The following EYS variants were observed in gnomAD, a reference collection of about 807,000 sequenced individuals.
EYS encodes the protein EGF-like photoreceptor maintenance factor, also known as protein eyes shut homolog.
A neutral mutation model predicts 282.1 loss-of-function variants in EYS; 250 were observed. The ratio of observed to expected loss-of-function variants is 0.89; its 90% CI spans 0.80 to 0.98. The LOEUF is 0.98. EYS is among the 50% of genes least tolerant of loss of function. EYS has a pLI of 0.00. For missense variants in EYS, 4,016 were observed against 3,709.0 expected (o/e 1.08, Z -2.15); for synonymous variants, 1,355 against 1,282.9 (o/e 1.06, Z -1.20).
At chr6:64,535,575 CAAAA>C (rs10554389) in intron 26 of EYS, among the ~76,000 whole-genome samples, 3 of 142,418 alleles carry the variant, frequency 2.1e-5, no homozygotes, top group East Asian at 2.1e-4. Flanking sequence ...TTGTTTCTAC[CAAAA>C]AAAAAAAAAA....
intron 19 of EYS, among the ~76,000 whole-genome samples, chr6:64,851,741 A>C (rs1482069208): frequency 6.6e-6 from 1 of 152,122 alleles, no homozygotes; most frequent in African/African-American, 2.4e-5. Flanking sequence ...GTGGGAGCTA[A>C]ATGATGAGAA....
chr6:64,193,320 T>C lies in EYS; in HGVS notation c.6424+37272A>G, dbSNP rs1163057405. 2.0e-5 allele frequency among the ~76,000 whole-genome samples: 3 copies of C among 151,988 alleles called. No individual in the cohort carries two copies. In the East Asian group the frequency reaches 5.8e-4, roughly 29 times the overall value. On this transcript the variant is annotated intron_variant, in intron 31 of 42. Transcript: ENST00000503581. ...GAATGAGTTACTATTGTTTTTTCTT[T>C]TTTTTTTGGAAACGGAGTCTCCCTC...
rs151131515 is a variant in EYS, at chr6:64,721,672, T to G, written c.3443+91706A>C. 5.9e-3 allele frequency among the ~76,000 whole-genome samples: 892 copies of G among 152,272 alleles called. 8 individuals are homozygous for G. The highest frequency in any genetic ancestry group is 0.02 in the African/African-American group (850 of 41,560). On this transcript the variant is annotated intron_variant, in intron 22 of 42. Coordinates refer to ENST00000503581, the MANE Select transcript of EYS (RefSeq NM_001142800.2). ...GAGGGAAAATCAATTTTCCTGTTTA[T>G]GAAACAAGAATAGCACGATAAGCCC...
chr6:64,330,313 T>C (rs538620867), intron 29 of EYS, among the ~76,000 whole-genome samples: 1 of 152,300 alleles, frequency 6.6e-6, no homozygotes, highest in African/African-American at 2.4e-5. Flanking sequence ...AACCTGGCAC[T>C]GGACAACAAG....
At chr6:64,566,288 A>G (rs1765565674) in intron 26 of EYS, among the ~76,000 whole-genome samples, 1 of 152,158 alleles carries the variant, frequency 6.6e-6, no homozygotes, top group Non-Finnish European at 1.5e-5. Context: ...AGAAAAATTG[A>G]CACCCTGGGA....
At chr6:64,598,418 G>A (rs569415838) in intron 24 of EYS, among the ~76,000 whole-genome samples, 1 of 152,284 alleles carries the variant, frequency 6.6e-6, no homozygotes, top group South Asian at 2.1e-4. Flanking sequence ...CCAAGATTGC[G>A]CCACTGCACT....
At chr6:65,541,495 C>A (rs1768166026) in intron 2 of EYS, among the ~76,000 whole-genome samples, 1 of 152,124 alleles carries the variant, frequency 6.6e-6, no homozygotes, top group Non-Finnish European at 1.5e-5. Flanking sequence ...GTTTCAAAAT[C>A]ACAACAATGT....
intron 12 of EYS, among the ~76,000 whole-genome samples, chr6:65,198,194 C>T (rs1340216908): frequency 2.6e-5 from 4 of 152,066 alleles, no homozygotes; most frequent in Admixed American, 2.0e-4. Context: ...ATCAATATCA[C>T]TGTCTTCTAC....
intron 11 of EYS, among the ~76,000 whole-genome samples, chr6:65,312,018 G>A (rs6914394): frequency 0.016 from 2,397 of 151,776 alleles, 50 homozygotes; most frequent in African/African-American, 0.055. Flanking sequence ...CATATATATA[G>A]GATATAGCCA....
chr6:64,470,025 C>A (rs1047979307), intron 26 of EYS, among the ~76,000 whole-genome samples: 3 of 152,208 alleles, frequency 2.0e-5, no homozygotes, highest in African/African-American at 7.2e-5. Context: ...ATCCAATGGA[C>A]ACGTGACCCA....
intron 26 of EYS, among the ~76,000 whole-genome samples, chr6:64,513,824 C>A (rs1035224706): frequency 2.6e-5 from 4 of 151,676 alleles, no homozygotes; most frequent in African/African-American, 9.7e-5. Flanking sequence ...TTGTCAATGG[C>A]GGCCCAATCT....
chr6:65,363,436 TAC>T (rs1399049312), intron 8 of EYS, among the ~76,000 whole-genome samples: 2 of 151,990 alleles, frequency 1.3e-5, no homozygotes, highest in Non-Finnish European at 2.9e-5. Flanking sequence ...CATTTTTTGT[TAC>T]AGTTATATTT....
At chr6:65,030,713 G>A (rs1053588714) in intron 13 of EYS, among the ~76,000 whole-genome samples, 3 of 152,166 alleles carry the variant, frequency 2.0e-5, no homozygotes, top group Non-Finnish European at 4.4e-5. Flanking sequence ...CCATGGACCT[G>A]TTAGTAGCCC....
intron 15 of EYS, among the ~76,000 whole-genome samples, chr6:64,939,661 A>G (rs1769022346): frequency 6.7e-6 from 1 of 149,974 alleles, no homozygotes; most frequent in Non-Finnish European, 1.5e-5. Flanking sequence ...TAAGTGATGT[A>G]TTTCATACAC....
At chr6:65,110,065 T>A (rs1473265462) in intron 12 of EYS, among the ~76,000 whole-genome samples, 1 of 152,164 alleles carries the variant, frequency 6.6e-6, no homozygotes, top group Non-Finnish European at 1.5e-5. Context: ...TTTTCCTAAT[T>A]TTTAAGAATT....
At chr6:65,646,875 C>T (rs1767471079) in intron 1 of EYS, among the ~76,000 whole-genome samples, 1 of 152,034 alleles carries the variant, frequency 6.6e-6, no homozygotes, top group Non-Finnish European at 1.5e-5. Context: ...ACACCAGCAG[C>T]GACCAAGCTA....
At chr6:65,439,450 T>C (rs1562182260) in intron 5 of EYS, among the ~76,000 whole-genome samples, 1 of 152,116 alleles carries the variant, frequency 6.6e-6, no homozygotes, top group Non-Finnish European at 1.5e-5. Flanking sequence ...GCATGGCCAT[T>C]TTTCATGATA....
chr6:64,153,443 G>A (rs1461382159), intron 31 of EYS, among the ~76,000 whole-genome samples: 1 of 152,140 alleles, frequency 6.6e-6, no homozygotes, highest in African/African-American at 2.4e-5. Flanking sequence ...ATTAACTAAA[G>A]AGTCACTCTG....
intron 22 of EYS, among the ~76,000 whole-genome samples, chr6:64,729,632 T>C (rs1184542384): frequency 1.3e-5 from 2 of 152,232 alleles, no homozygotes; most frequent in Non-Finnish European, 2.9e-5. Context: ...TGGATGCTTA[T>C]TGGCAAGCAG....
Sources: gnomAD v4.1 joint callset for allele counts (sites outside exome capture counted in the v4.1 genomes callset) on GRCh38, gnomAD v4.1.1 for gene constraint, MANE v1.5 for transcripts, NCBI Gene and HGNC (gene_info 2026-07-23, HGNC 2026-07-21) for gene names.